MACO1: variants seen among roughly 807,000 people sequenced by gnomAD.
MACO1 encodes the protein macoilin.
MACO1 carries 14 observed loss-of-function variants against 78.7 expected under a neutral mutation model. The observed-to-expected ratio is 0.18, with a 90% confidence interval of 0.12 to 0.28. The LOEUF is 0.28. MACO1 is among the 10% of genes least tolerant of loss of function. The pLI is 1.00. For synonymous variants in MACO1, 288 were observed against 291.6 expected (o/e 0.99, Z 0.12); for missense variants, 501 against 799.0 (o/e 0.63, Z 4.50).
At chr1:25,463,348 G>A (rs565752848) in intron 6 of MACO1, among the ~76,000 whole-genome samples, 8 of 152,304 alleles carry the variant, frequency 5.3e-5, no homozygotes, top group African/African-American at 1.7e-4. Flanking sequence ...TGAGGAACCT[G>A]GGAATAAATA....
chr1:25,457,630 C>G (rs1286344577), intron 5 of MACO1, among the ~76,000 whole-genome samples: 1 of 152,118 alleles, frequency 6.6e-6, no homozygotes, highest in African/African-American at 2.4e-5. Context: ...TAAATTGAAC[C>G]ATTTCTAATG....
At chr1:25,451,950 GAAAAA>G (rs979858786) in intron 3 of MACO1, among the ~76,000 whole-genome samples, 1 of 142,274 alleles carries the variant, frequency 7.0e-6, no homozygotes, top group African/African-American at 2.6e-5. Context: ...AAAGAAAAAA[GAAAAA>G]AAAAAGAAAA....
chr1:25,446,665 G>A, intron 1 of MACO1, 97 bp from the exon 2 acceptor site: 1 of 1,182,132 alleles, frequency 8.5e-7, no homozygotes, highest in Non-Finnish European at 1.2e-6. Context: ...GATATATGGA[G>A]GTATTTTTTT....
At chr1:25,489,901 G>A (rs1031074705) in intron 9 of MACO1, among the ~76,000 whole-genome samples, 4 of 151,826 alleles carry the variant, frequency 2.6e-5, no homozygotes, top group African/African-American at 7.3e-5. Context: ...AAAAAAATAC[G>A]AAAAAAAGTA....
chr1:25,498,725 T>A lies in MACO1; in HGVS notation c.*259T>A, dbSNP rs1180794585. The A allele has an allele frequency of 5.3e-6, 2 of 376,684 alleles. No homozygotes were observed. The highest frequency in any genetic ancestry group is 9.4e-6 in the Non-Finnish European group (2 of 212,964). 23.3% of individuals were successfully genotyped at this position (376,684 alleles called of 1,614,324 possible). ...CAACACATTAAAACCATTCTTGGAT[T>A]TCAAGTAGCCAACTTTGCCTTTTAT... On this transcript the variant is annotated 3_prime_UTR_variant, in exon 11 of 11. Transcript: ENST00000374343.
At chr1:25,497,183 C>T (rs1170610213) in intron 10 of MACO1, among the ~76,000 whole-genome samples, 2 of 151,998 alleles carry the variant, frequency 1.3e-5, no homozygotes, top group Non-Finnish European at 2.9e-5. Flanking sequence ...GAGTTCGAGA[C>T]CAGCCTGACC....
intron 3 of MACO1, among the ~76,000 whole-genome samples, chr1:25,452,276 G>A (rs556848412): frequency 6.6e-6 from 1 of 152,036 alleles, no homozygotes; most frequent in South Asian, 2.1e-4. Flanking sequence ...TTTCCCCCTC[G>A]TGCCCATGTA....
intron 10 of MACO1, among the ~76,000 whole-genome samples, chr1:25,492,468 T>A (rs137897673): frequency 1.3e-4 from 20 of 151,710 alleles, no homozygotes; most frequent in African/African-American, 4.4e-4. Flanking sequence ...TGTAAAGAGC[T>A]GGAGGAAAGC....
chr1:25,432,293 T>C (rs550495040), intron 1 of MACO1, among the ~76,000 whole-genome samples: 2 of 152,252 alleles, frequency 1.3e-5, no homozygotes, highest in Non-Finnish European at 2.9e-5. Flanking sequence ...TGCTCTTGTT[T>C]ACAGATGTGG....
chr1:25,448,832 G>T lies in MACO1; in HGVS notation c.247G>T (p.Val83Leu). Residue 83 changes from valine to leucine, a missense_variant, in exon 3 of 11, where the codon GTA becomes TTA. By Grantham distance (32) the Val-to-Leu change is conservative. This residue lies in a region of MACO1 where 171 missense variants were observed against 292.1 expected (regional missense o/e 0.59). Transcript: ENST00000374343. Reference protein sequence around the residue: ...GLAFSVFFVCVAFTSNIICLL... With the variant: ...GLAFSVFFVCLAFTSNIICLL... ...GGCCTTCTCAGTATTTTTTGTTTGT[G>T]TAGCATTCACGTCAAATATAATATG... 6.4e-7 allele frequency: 1 copy of T among 1,555,150 alleles called. No homozygotes were observed. Among genetic ancestry groups the T allele is most frequent in the South Asian group, 1.2e-5 (1 of 80,788 alleles).
chr1:25,468,843 T>G (rs1382820043), intron 6 of MACO1, among the ~76,000 whole-genome samples: 2 of 152,026 alleles, frequency 1.3e-5, no homozygotes, highest in African/African-American at 2.4e-5. Context: ...TGTTTTTTGG[T>G]TTTTTTGTTT....
chr1:25,483,257 G>T (rs2043396533), intron 6 of MACO1, among the ~76,000 whole-genome samples: 1 of 152,114 alleles, frequency 6.6e-6, no homozygotes, highest in Non-Finnish European at 1.5e-5. Context: ...CACCACGTTG[G>T]CCAGGCCGGT....
intron 9 of MACO1, among the ~76,000 whole-genome samples, chr1:25,490,390 C>T (rs1238361154): frequency 6.6e-6 from 1 of 152,076 alleles, no homozygotes; most frequent in Non-Finnish European, 1.5e-5. Flanking sequence ...CAAAGACATG[C>T]AGATTAAAAG....
At position 25,446,874 on chromosome 1, in the gene MACO1, G is replaced by A. The variant is rs2043019440; in HGVS notation, c.193G>A (p.Val65Ile). 2.5e-6 allele frequency: 4 copies of A among 1,613,326 alleles called. No individual in the cohort carries two copies. Among genetic ancestry groups the A allele is most frequent in the Non-Finnish European group, 2.5e-6 (3 of 1,179,816 alleles). The change falls in exon 2 of 11, where the codon GTC becomes ATC. Residue 65 changes from valine (V) to isoleucine (I), a missense_variant. Physicochemically the swap from Val to Ile is conservative, Grantham distance 29. Coordinates refer to ENST00000374343, the MANE Select transcript of MACO1 (RefSeq NM_018202.6). ...LWPFWLFIRSVYDSFRYQGLA... is the reference protein window; with the variant it reads ...LWPFWLFIRSIYDSFRYQGLA... ...GCCATTCTGGCTTTTCATCAGAAGCGTCTATGATTCCTTCAGATACCAGGG... is the reference window on the plus strand; with the variant it reads ...GCCATTCTGGCTTTTCATCAGAAGCATCTATGATTCCTTCAGATACCAGGG...
At chr1:25,486,552 T>A (rs181527037) in intron 8 of MACO1, among the ~76,000 whole-genome samples, 7 of 152,350 alleles carry the variant, frequency 4.6e-5, no homozygotes, top group Admixed American at 2.0e-4. Flanking sequence ...AATTATTATT[T>A]ATTTCACTTT....
chr1:25,493,470 G>T (rs1032995786), intron 10 of MACO1, among the ~76,000 whole-genome samples: 2 of 151,044 alleles, frequency 1.3e-5, no homozygotes, highest in Admixed American at 6.6e-5. Flanking sequence ...GGCTGACCTC[G>T]AACTCCTGGG....
intron 4 of MACO1, among the ~76,000 whole-genome samples, chr1:25,455,417 TA>T (rs1330231671): frequency 1.3e-5 from 2 of 152,138 alleles, no homozygotes; most frequent in Non-Finnish European, 2.9e-5. Context: ...AGTAATCAAC[TA>T]AAAAAATACT....
At chr1:25,441,575 T>C (rs907298506) in intron 1 of MACO1, among the ~76,000 whole-genome samples, 1 of 152,316 alleles carries the variant, frequency 6.6e-6, no homozygotes, top group East Asian at 1.9e-4. Context: ...GGGAACAAAA[T>C]GGGCAGCTCC....
rs1022865198 is a variant in MACO1 at position 25,430,956 on chromosome 1, C to G, written c.-143C>G. ...CGAGCCCCCCCTCCCCGTGCTACCC[C>G]CTCCCCCCGGGTGCTGGCTCCATGT... On this transcript the variant is annotated 5_prime_UTR_variant, in exon 1 of 11. Coordinates refer to ENST00000374343, the MANE Select transcript of MACO1 (RefSeq NM_018202.6). 4 of 486,764 alleles carry G rather than the reference C, an allele frequency of 8.2e-6. No individual in the cohort carries two copies. The highest frequency in any genetic ancestry group is 8.8e-5 in the Admixed American group (2 of 22,734). The allele number at this position is 486,764 out of a possible 1,614,324, so 30.2% of individuals were successfully genotyped here.
Sources: gnomAD v4.1 joint callset for allele counts (sites outside exome capture counted in the v4.1 genomes callset) on GRCh38, gnomAD v4.1.1 for gene constraint, gnomAD v4.1.1 regional missense constraint, MANE v1.5 for transcripts, NCBI Gene and HGNC (gene_info 2026-07-23, HGNC 2026-07-21) for gene names.